VAC14: variants seen among roughly 807,000 people sequenced by gnomAD.
The protein encoded by VAC14 is VAC14 component of PIKFYVE complex, also known as protein VAC14 homolog.
In VAC14, 47 loss-of-function variants were observed where a neutral mutation model predicts 85.3. That is an observed-to-expected ratio of 0.55 (90% CI 0.44 to 0.70). The LOEUF (loss-of-function observed/expected upper bound fraction) is 0.70. Ranked by LOEUF, VAC14 falls within the 30% of genes least tolerant of loss-of-function variation. The pLI is 0.00. For synonymous variants in VAC14, 447 were observed against 430.5 expected, an observed-to-expected ratio of 1.04 and a Z score of -0.47; for missense variants, 861 against 1,004.3, an observed-to-expected ratio of 0.86 and a Z score of 1.93.
intron 13 of VAC14, among the ~76,000 whole-genome samples, chr16:70,734,903 G>T (rs2143004989): frequency 6.6e-6 from 1 of 152,358 alleles, no homozygotes; most frequent in Non-Finnish European, 1.5e-5. Context: ...GCTGGCGAGT[G>T]CTAGAGTTGC....
intron 12 of VAC14, among the ~76,000 whole-genome samples, chr16:70,756,315 C>T (rs938971331): frequency 9.2e-5 from 14 of 152,322 alleles, no homozygotes; most frequent in South Asian, 4.1e-4. Context: ...AGGCAAGCCC[C>T]GATCTGCTTC....
Position 70,798,208 on chromosome 16 carries a change from G to C in VAC14, c.104+2589C>G, listed in dbSNP as rs1335588917. 1.3e-5 allele frequency among the ~76,000 whole-genome samples: 2 copies of C among 152,144 alleles called. 1 individual carries two copies. The highest frequency in any genetic ancestry group is 4.1e-4 in the South Asian group (2 of 4,820). On this transcript the variant is annotated intron_variant, in intron 1 of 18. Transcript: ENST00000261776. ...CTGCTCTTAAACACCATGCCACGCA[G>C]CCTCTCAGGAAATAGGGTATCTTAA...
At chr16:70,720,175 C>T (rs886270639) in intron 14 of VAC14, among the ~76,000 whole-genome samples, 1 of 152,028 alleles carries the variant, frequency 6.6e-6, no homozygotes, top group Non-Finnish European at 1.5e-5. Flanking sequence ...TTGAGGGAGG[C>T]GGGGAGGGGC....
At chr16:70,780,975 G>A in intron 8 of VAC14, 36 bp from the exon 9 acceptor site, 1 of 1,612,034 alleles carries the variant, frequency 6.2e-7, no homozygotes, top group Non-Finnish European at 8.5e-7. Flanking sequence ...GATCTGATTT[G>A]GATGCCTGTC....
chr16:70,718,711 CCACGTGGGGTTCTGTTAGGGCTGCCACT>C (rs1239017247), intron 14 of VAC14, among the ~76,000 whole-genome samples: 3 of 152,126 alleles, frequency 2.0e-5, no homozygotes, highest in African/African-American at 7.2e-5. Context: ...CTCCCCAACT[CCACGTGGGGTTCTGTTAGGGCTGCCACT>C]CACAGCACCC....
chr16:70,712,652 A>C (rs543196192), intron 14 of VAC14, among the ~76,000 whole-genome samples: 1 of 152,304 alleles, frequency 6.6e-6, no homozygotes, highest in Admixed American at 6.5e-5. Context: ...CATGCTGATA[A>C]ATGCACAGAA....
At chr16:70,777,331 A>G (rs2033572435) in intron 9 of VAC14, among the ~76,000 whole-genome samples, 1 of 152,258 alleles carries the variant, frequency 6.6e-6, no homozygotes, top group African/African-American at 2.4e-5. Flanking sequence ...TGTCTGAAAC[A>G]CACAACCACA....
intron 14 of VAC14, among the ~76,000 whole-genome samples, chr16:70,701,395 G>A (rs2053825299): frequency 1.3e-5 from 2 of 152,116 alleles, no homozygotes; most frequent in South Asian, 2.1e-4. Flanking sequence ...CCTCATCTCA[G>A]TAAACGGTGG....
intron 14 of VAC14, among the ~76,000 whole-genome samples, chr16:70,726,140 C>T (rs937624620): frequency 6.6e-6 from 1 of 152,264 alleles, no homozygotes; most frequent in Non-Finnish European, 1.5e-5. Flanking sequence ...GCTGGGTTTT[C>T]TCCCTCCTCT....
chr16:70,773,489 T>C (rs565945987), intron 9 of VAC14, among the ~76,000 whole-genome samples: 6 of 152,222 alleles, frequency 3.9e-5, no homozygotes, highest in Admixed American at 6.5e-5. Flanking sequence ...TCTGGAAAGC[T>C]GCTGGTAGGA....
intron 10 of VAC14, among the ~76,000 whole-genome samples, chr16:70,767,335 T>G (rs1386711913): frequency 6.6e-6 from 1 of 151,896 alleles, no homozygotes; most frequent in East Asian, 1.9e-4. Context: ...TCTAATCAAA[T>G]CAGAAGAAAG....
chr16:70,733,001 T>C lies in VAC14; in HGVS notation c.1529-1374A>G, dbSNP rs768059253. Among the ~76,000 whole-genome samples the C allele has an allele frequency of 2.0e-5, 3 of 152,210 alleles. No homozygotes were observed. In the South Asian group the frequency reaches 6.2e-4, roughly 32 times the overall value. On this transcript the variant is annotated intron_variant, in intron 13 of 18. Coordinates refer to ENST00000261776, the MANE Select transcript of VAC14 (RefSeq NM_018052.5). The stretch of plus-strand genomic sequence containing the variant: ...CAGCTTTATTGAGATATCATCCATA[T>C]ACCATAAGGTTAATCCTTTTAAAGT...
intron 12 of VAC14, among the ~76,000 whole-genome samples, chr16:70,757,278 A>C (rs187622391): frequency 6.6e-6 from 1 of 152,206 alleles, no homozygotes; most frequent in African/African-American, 2.4e-5. Flanking sequence ...GGAGGCTCCA[A>C]TGCAGGTCCT....
At chr16:70,689,320 C>T in intron 18 of VAC14, 4 of 985,474 alleles carry the variant, frequency 4.1e-6, no homozygotes, top group South Asian at 4.7e-5. Flanking sequence ...TCTGCCCCTC[C>T]AACGTGAGGC....
At chr16:70,719,934 A>T (rs2054248263) in intron 14 of VAC14, among the ~76,000 whole-genome samples, 1 of 152,236 alleles carries the variant, frequency 6.6e-6, no homozygotes, top group Non-Finnish European at 1.5e-5. Flanking sequence ...TGTCAAACCG[A>T]AAATAACCCC....
At chr16:70,693,797 T>C (rs184704094) in intron 17 of VAC14, among the ~76,000 whole-genome samples, 65 of 152,246 alleles carry the variant, frequency 4.3e-4, no homozygotes, top group Non-Finnish European at 2.4e-4. Flanking sequence ...AGTCCAGGCA[T>C]TGTTTGTGGA....
chr16:70,692,580 T>C (rs568024248), intron 18 of VAC14, among the ~76,000 whole-genome samples: 1 of 152,272 alleles, frequency 6.6e-6, no homozygotes, highest in African/African-American at 2.4e-5. Flanking sequence ...TGCCTGGAAG[T>C]GTTGCTACTC....
intron 14 of VAC14, chr16:70,714,707 A>C (rs1242450349): frequency 6.6e-6 from 1 of 152,214 alleles, no homozygotes; most frequent in Non-Finnish European, 1.5e-5. Context: ...GATGGTTTTA[A>C]ACTTAGTCCA....
chr16:70,698,860 T>C (rs1201309999), intron 14 of VAC14, 49 bp from the exon 15 acceptor site: 1 of 1,598,774 alleles, frequency 6.3e-7, no homozygotes, highest in Admixed American at 1.7e-5. Context: ...CCTGGAAGGC[T>C]CTGTGTCTCA....
Sources: gnomAD v4.1 joint callset for allele counts (sites outside exome capture counted in the v4.1 genomes callset) on GRCh38, gnomAD v4.1.1 for gene constraint, MANE v1.5 for transcripts, NCBI Gene and HGNC (gene_info 2026-07-23, HGNC 2026-07-21) for gene names.